PACRGL: variants seen among roughly 807,000 people sequenced by gnomAD.
The protein encoded by PACRGL is parkin coregulated like.
Under a neutral mutation model 34.5 loss-of-function variants are expected in PACRGL, and 38 were observed. The ratio of observed to expected loss-of-function variants is 1.10; its 90% CI spans 0.85 to 1.44. The LOEUF (loss-of-function observed/expected upper bound fraction) is 1.44. PACRGL is among the 40% of genes most tolerant of loss of function. The pLI is 0.00. For missense variants in PACRGL, 305 were observed against 281.4 expected, an observed-to-expected ratio of 1.08 and a Z score of -0.60; for synonymous variants, 128 against 100.1, an observed-to-expected ratio of 1.28 and a Z score of -1.66.
At chr4:20,707,564 A>G (rs556447476) in intron 3 of PACRGL, among the ~76,000 whole-genome samples, 3 of 152,300 alleles carry the variant, frequency 2.0e-5, no homozygotes, top group Admixed American at 6.5e-5. Flanking sequence ...AGAAAGAACT[A>G]TCATTCCATA....
chr4:20,717,230 T>C (rs1740549456), intron 7 of PACRGL, among the ~76,000 whole-genome samples: 1 of 152,238 alleles, frequency 6.6e-6, no homozygotes, highest in African/African-American at 2.4e-5. Context: ...ATTCTGGATA[T>C]TAGCCCTTTG....
chr4:20,733,170 A>G (rs898311160), downstream of PACRGL, among the ~76,000 whole-genome samples: 1 of 152,212 alleles, frequency 6.6e-6, no homozygotes, highest in African/African-American at 2.4e-5. Context: ...AATCAAATAT[A>G]CGGCACATCG....
rs777498369 is a variant in PACRGL, at chr4:20,704,421, C to T, written c.-16-45C>T. On this transcript the variant is annotated intron_variant, in intron 1 of 8. Coordinates refer to ENST00000503585, the MANE Select transcript of PACRGL (RefSeq NM_001258345.3). ...GTCTTTTTATTGATAACAAATGCCC[C>T]TCCAAACAAATTTTGAAATCAACTT... 3.2e-6 allele frequency: 5 copies of T among 1,581,774 alleles called. No individual in the cohort carries two copies. In the South Asian group the frequency reaches 3.4e-5, roughly 11 times the overall value.
At position 20,729,503 on chromosome 4, in the gene PACRGL, T is replaced by TTTAAAAATGCCAGATAAAACTA. The variant is rs971896404; in HGVS notation, c.*2163_*2184dup. On this transcript the variant is annotated 3_prime_UTR_variant, in exon 9 of 9. Transcript: ENST00000503585. ...TTAAATGTTTAATAATTTTTAAATG[T>TTTAAAAATGCCAGATAAAACTA]TTAAAAATGCCAGATAAAACTAATT... 5 of 147,836 alleles carry TTTAAAAATGCCAGATAAAACTA rather than the reference T, an allele frequency of 3.4e-5. No individual in the cohort carries two copies. Among genetic ancestry groups the TTTAAAAATGCCAGATAAAACTA allele is most frequent in the African/African-American group, 1.3e-4 (5 of 39,864 alleles). The allele number at this position is 147,836 out of a possible 1,614,324, so 9.2% of individuals were successfully genotyped here.
chr4:20,708,957 T>G (rs541637614), intron 4 of PACRGL, among the ~76,000 whole-genome samples: 2 of 139,578 alleles, frequency 1.4e-5, no homozygotes, highest in East Asian at 4.0e-4. Context: ...AGGAACCCCA[T>G]CTCTACTTAA....
chr4:20,753,035 A>G (rs1753918865), downstream of PACRGL: 1 of 152,220 alleles, frequency 6.6e-6, no homozygotes, highest in Non-Finnish European at 1.5e-5. Context: ...TGAGTTTGTT[A>G]AGCTGGGATT....
At chr4:20,722,804 A>T (rs1165158090) in intron 7 of PACRGL, among the ~76,000 whole-genome samples, 1 of 152,192 alleles carries the variant, frequency 6.6e-6, no homozygotes, top group Non-Finnish European at 1.5e-5. Context: ...GCAAGGGCCA[A>T]ACTTTAGGCA....
downstream of PACRGL, among the ~76,000 whole-genome samples, chr4:20,755,006 G>A (rs369022184): frequency 6.6e-6 from 1 of 152,044 alleles, no homozygotes; most frequent in Non-Finnish European, 1.5e-5. Context: ...AAAACATGAG[G>A]TAGTTAATTA....
At chr4:20,722,035 T>A (rs887092446) in intron 7 of PACRGL, among the ~76,000 whole-genome samples, 1 of 152,158 alleles carries the variant, frequency 6.6e-6, no homozygotes, top group African/African-American at 2.4e-5. Flanking sequence ...CGGGCGCCCC[T>A]CTCCCAGCCT....
At chr4:20,707,969 A>G (rs1356180571) in intron 4 of PACRGL, 99 bp downstream of exon 4, 7 of 896,966 alleles carry the variant, frequency 7.8e-6, no homozygotes, top group African/African-American at 5.1e-5. Context: ...TTTATTTACT[A>G]GTGAGGTTGA....
chr4:20,732,852 G>C (rs935283148), downstream of PACRGL: 8 of 963,954 alleles, frequency 8.3e-6, no homozygotes, highest in African/African-American at 1.3e-4. Context: ...AAGAAGCTCT[G>C]ACAGATTTTT....
intron 7 of PACRGL, among the ~76,000 whole-genome samples, chr4:20,715,220 C>A (rs1414758011): frequency 4.6e-5 from 7 of 151,830 alleles, no homozygotes; most frequent in African/African-American, 1.7e-4. Context: ...GGGAATTGAA[C>A]AATGAGAACA....
In PACRGL at chr4:20,728,636, T is replaced by G. The variant is rs957488118; in HGVS notation, c.*1295T>G. The G allele has an allele frequency of 6.6e-6, 1 of 152,606 alleles. No homozygotes were observed. Among genetic ancestry groups the G allele is most frequent in the Non-Finnish European group, 1.5e-5 (1 of 68,014 alleles). The allele number at this position is 152,606 out of a possible 1,614,324, so 9.5% of individuals were successfully genotyped here. A position where few individuals can be genotyped will look rare whatever the true frequency, so the allele number is the denominator to read the frequency against. On this transcript the variant is annotated 3_prime_UTR_variant, in exon 9 of 9. Transcript: ENST00000503585. ...TTATAAACATTTTATTTTGCTTTTA[T>G]TTTTTCTTTTTGAAATACAAAATGT...
At chr4:20,700,227 T>C (rs1003493030), upstream of PACRGL, among the ~76,000 whole-genome samples, 1 of 152,232 alleles carries the variant, frequency 6.6e-6, no homozygotes, top group Non-Finnish European at 1.5e-5. Flanking sequence ...ATCGTCCCTC[T>C]GCTCTCCGGA....
intron 7 of PACRGL, among the ~76,000 whole-genome samples, chr4:20,720,368 C>G (rs865971164): frequency 3.8e-4 from 58 of 152,152 alleles, no homozygotes; most frequent in Middle Eastern, 3.2e-3. Context: ...CTGATCCTGT[C>G]ATTATGATGT....
At chr4:20,724,032 G>T (rs188185516) in intron 7 of PACRGL, among the ~76,000 whole-genome samples, 2 of 152,206 alleles carry the variant, frequency 1.3e-5, no homozygotes, top group African/African-American at 4.8e-5. Flanking sequence ...GGAAGAAAGG[G>T]TATTATTCTT....
At chr4:20,711,525 C>G (rs781306103) in intron 5 of PACRGL, among the ~76,000 whole-genome samples, 9 of 152,090 alleles carry the variant, frequency 5.9e-5, no homozygotes, top group Admixed American at 3.9e-4. Flanking sequence ...AAAAGCATGA[C>G]AGCTTCAAGG....
chr4:20,742,883 T>C (rs1004303755), intron 8 of PACRGL, among the ~76,000 whole-genome samples: 2 of 152,046 alleles, frequency 1.3e-5, no homozygotes, highest in African/African-American at 4.8e-5. Context: ...GGTACAAAAA[T>C]CAATGTGCAA....
chr4:20,743,242 C>T (rs1372881031), intron 8 of PACRGL, among the ~76,000 whole-genome samples: 1 of 152,274 alleles, frequency 6.6e-6, no homozygotes, highest in East Asian at 1.9e-4. Flanking sequence ...CTACCAATGA[C>T]TTTCTTCACA....
Sources: gnomAD v4.1 joint callset for allele counts (sites outside exome capture counted in the v4.1 genomes callset) on GRCh38, gnomAD v4.1.1 for gene constraint, MANE v1.5 for transcripts, NCBI Gene and HGNC (gene_info 2026-07-23, HGNC 2026-07-21) for gene names.